Variants in RASGRP3 observed in about 807,000 individuals in gnomAD.
RASGRP3 encodes the protein ras guanyl-releasing protein 3.
RASGRP3 carries 54 observed loss-of-function variants against 82.7 expected under a neutral mutation model. That is an observed-to-expected ratio of 0.65 (90% confidence interval 0.52 to 0.82). The LOEUF is 0.82. Ranked by LOEUF, RASGRP3 falls within the 40% of genes least tolerant of loss-of-function variation. The probability of loss-of-function intolerance (pLI) is 0.00; values close to 1 mark genes in which losing one functional copy is unlikely to be tolerated. For missense variants in RASGRP3, 861 were observed against 828.9 expected (o/e 1.04, Z -0.48); for synonymous variants, 309 against 300.5 (o/e 1.03, Z -0.29).
intron 9 of RASGRP3, among the ~76,000 whole-genome samples, chr2:33,525,017 C>T (rs1672390194): frequency 6.9e-6 from 1 of 144,880 alleles, no homozygotes; most frequent in South Asian, 2.2e-4. Context: ...GGAGGCAGAG[C>T]TTGCAGTGAG....
At chr2:33,472,233 A>G (rs565029307), upstream of RASGRP3, among the ~76,000 whole-genome samples, 1 of 152,300 alleles carries the variant, frequency 6.6e-6, no homozygotes, top group South Asian at 2.1e-4. Flanking sequence ...TTTGTCTTAG[A>G]TTGGTAAAGT....
Position 33,562,781 on chromosome 2 carries a change from A to C in RASGRP3, c.*44A>C. On this transcript the variant is annotated 3_prime_UTR_variant, in exon 18 of 18. Transcript: ENST00000403687. The stretch of plus-strand genomic sequence containing the variant: ...GAAGGCAATAATGTTGGCTTTTGGA[A>C]GGGGCAAGACGAGAAACTCTGAAGA... 2 of 1,605,454 alleles carry C rather than the reference A, an allele frequency of 1.2e-6. No individual in the cohort carries two copies. Among genetic ancestry groups the C allele is most frequent in the Non-Finnish European group, 8.5e-7 (1 of 1,172,310 alleles).
upstream of RASGRP3, among the ~76,000 whole-genome samples, chr2:33,474,832 T>G (rs924819077): frequency 2.0e-5 from 3 of 152,202 alleles, no homozygotes; most frequent in Admixed American, 1.3e-4. Context: ...TCTCAAGTAT[T>G]TATAGCAATG....
At chr2:33,456,073 C>G (rs150774564) in intron 2 of RASGRP3, among the ~76,000 whole-genome samples, 13 of 152,282 alleles carry the variant, frequency 8.5e-5, no homozygotes, top group Non-Finnish European at 1.6e-4. Flanking sequence ...TCTCCTCTTC[C>G]CACCAAAGTT....
chr2:33,505,153 T>TCACCACCAC (rs10652330), intron 1 of RASGRP3, among the ~76,000 whole-genome samples: 7 of 149,934 alleles, frequency 4.7e-5, no homozygotes, highest in East Asian at 3.9e-4. Context: ...ATCATCATCA[T>TCACCACCAC]CACCACCACC....
chr2:33,504,869 G>A (rs953164393), intron 1 of RASGRP3, among the ~76,000 whole-genome samples: 2 of 152,144 alleles, frequency 1.3e-5, no homozygotes, highest in African/African-American at 4.8e-5. Context: ...CCTGTTCCTA[G>A]TGAGCACATG....
intron 2 of RASGRP3, among the ~76,000 whole-genome samples, chr2:33,464,113 T>TAATA (rs371666052): frequency 0.14 from 18,229 of 130,292 alleles, 1,273 homozygotes; most frequent in East Asian, 0.22. Context: ...TAATAATAAT[T>TAATA]ATTATTATTA....
chr2:33,528,392 A>T (rs1006331580), intron 10 of RASGRP3, among the ~76,000 whole-genome samples: 2 of 152,220 alleles, frequency 1.3e-5, no homozygotes, highest in Non-Finnish European at 2.9e-5. Flanking sequence ...ACTTTTAGAC[A>T]CAACGGTGTA....
chr2:33,502,888 C>T (rs1276284309), intron 1 of RASGRP3, among the ~76,000 whole-genome samples: 3 of 152,138 alleles, frequency 2.0e-5, no homozygotes, highest in Admixed American at 2.0e-4. Flanking sequence ...TTCTCTGTCT[C>T]TCTAGATCCA....
At chr2:33,474,722 G>A (rs1040683689), upstream of RASGRP3, among the ~76,000 whole-genome samples, 3 of 152,160 alleles carry the variant, frequency 2.0e-5, no homozygotes, top group Non-Finnish European at 2.9e-5. Context: ...TAAGTTTCAC[G>A]AGGCCTCCCC....
chr2:33,548,698 AATTATT>A (rs374165976), intron 13 of RASGRP3, among the ~76,000 whole-genome samples: 3 of 151,474 alleles, frequency 2.0e-5, no homozygotes, highest in Admixed American at 6.6e-5. Flanking sequence ...AAGTGGATCC[AATTATT>A]ATTATTATTA....
At position 33,453,894 on chromosome 2, in the gene RASGRP3, G is replaced by T. The variant is rs978856561; in HGVS notation, c.-261+5951G>T. On this transcript the variant is annotated intron_variant, in intron 2 of 18. Coordinates refer to the RASGRP3 transcript ENST00000402538. ...ATTACACACATACAAATCAATAAAA[G>T]TGGGGGTTTTTTTGGGTTAAACAAG... Among the ~76,000 whole-genome samples the T allele has an allele frequency of 2.3e-4, 35 of 152,148 alleles. 1 individual carries two copies. The highest frequency in any genetic ancestry group is 6.8e-4 in the African/African-American group (28 of 41,426).
At chr2:33,499,452 G>A (rs12468183) in intron 1 of RASGRP3, among the ~76,000 whole-genome samples, 9,101 of 152,074 alleles carry the variant, frequency 0.06, 324 homozygotes, top group South Asian at 0.11. Flanking sequence ...CCAGCTACTC[G>A]AAAGGTGAGG....
chr2:33,477,545 G>T (rs1475806166), intron 1 of RASGRP3, among the ~76,000 whole-genome samples: 1 of 152,180 alleles, frequency 6.6e-6, no homozygotes, highest in African/African-American at 2.4e-5. Flanking sequence ...ACTCTGGGAG[G>T]CCTGGCATCC....
At chr2:33,536,723 G>A (rs769010829) in intron 11 of RASGRP3, among the ~76,000 whole-genome samples, 1 of 152,182 alleles carries the variant, frequency 6.6e-6, no homozygotes, top group Non-Finnish European at 1.5e-5. Context: ...TCTAAGTGGA[G>A]TGTCAGCCTA....
chr2:33,535,029 C>T (rs1168443774), intron 11 of RASGRP3, among the ~76,000 whole-genome samples: 2 of 152,134 alleles, frequency 1.3e-5, no homozygotes, highest in African/African-American at 4.8e-5. Context: ...GGAGTAATAA[C>T]TCATCTTAAT....
rs529621727 is a variant in RASGRP3 at position 33,521,099 on chromosome 2, A to G, written c.368+415A>G. 2.8e-3 allele frequency among the ~76,000 whole-genome samples: 424 copies of G among 152,228 alleles called. 1 individual carries two copies. Among genetic ancestry groups the G allele is most frequent in the African/African-American group, 1.0e-2 (414 of 41,540 alleles). On this transcript the variant is annotated intron_variant, in intron 6 of 17. Transcript: ENST00000403687. The stretch of plus-strand genomic sequence containing the variant: ...ATTAGGAATGCAGCCTCTAGGCCCC[A>G]CCTTAAACCTGAATTGGAATCTGCA...
intron 1 of RASGRP3, among the ~76,000 whole-genome samples, chr2:33,444,751 G>A (rs2150876466): frequency 6.6e-6 from 1 of 152,346 alleles, no homozygotes; most frequent in South Asian, 2.1e-4. Flanking sequence ...CTTCACCTGG[G>A]CTGGGTAACT....
Position 33,547,053 on chromosome 2 carries a change from G to GAA in RASGRP3, c.1395-2531_1395-2530dup, listed in dbSNP as rs767124838. Among the ~76,000 whole-genome samples the GAA allele has an allele frequency of 5.7e-3, 706 of 123,856 alleles. 6 individuals are homozygous for GAA. Among genetic ancestry groups the GAA allele is most frequent in the East Asian group, 0.029 (112 of 3,836 alleles). 81.3% of individuals were successfully genotyped at this position (123,856 alleles called of 152,430 possible). A position where few individuals can be genotyped will look rare whatever the true frequency, so the allele number is the denominator to read the frequency against. Reference sequence around the variant, plus strand: ...AACAAGAGCGAATCTCTGTCTCAGGGAAAAAAAAAAAAAAAAAAAAAGAGA... The same window carrying GAA: ...AACAAGAGCGAATCTCTGTCTCAGGGAAAAAAAAAAAAAAAAAAAAAAAGAGA... On this transcript the variant is annotated intron_variant, in intron 13 of 17. Coordinates refer to ENST00000403687, the MANE Select transcript of RASGRP3 (RefSeq NM_001139488.2).
Sources: gnomAD v4.1 joint callset for allele counts (sites outside exome capture counted in the v4.1 genomes callset) on GRCh38, gnomAD v4.1.1 for gene constraint, MANE v1.5 for transcripts, NCBI Gene and HGNC (gene_info 2026-07-23, HGNC 2026-07-21) for gene names.